Variants in SOX5 observed in about 807,000 individuals in gnomAD.
The protein encoded by SOX5 is SRY-box transcription factor 5, also known as transcription factor SOX-5.
SOX5 carries 9 observed loss-of-function variants against 92.0 expected under a neutral mutation model. The observed-to-expected ratio is 0.10, with a 90% CI of 0.06 to 0.17. SOX5 has a LOEUF of 0.17. Ranked by LOEUF, SOX5 falls within the 10% of genes least tolerant of loss-of-function variation. The pLI, the probability that SOX5 is intolerant of heterozygous loss-of-function variation, is 1.00. For missense variants in SOX5, 642 were observed against 944.5 expected, an observed-to-expected ratio of 0.68 and a Z score of 4.20; for synonymous variants, 344 against 336.3, an observed-to-expected ratio of 1.02 and a Z score of -0.25.
chr12:24,356,029 T>TA (rs150938174), intron 2 of SOX5, among the ~76,000 whole-genome samples: 12,637 of 151,904 alleles, frequency 0.083, 963 homozygotes, highest in African/African-American at 0.21. Flanking sequence ...TTCAAAAGGA[T>TA]AAAAAAGGGG....
chr12:23,918,217 C>T (rs933372988), intron 1 of SOX5, among the ~76,000 whole-genome samples: 2 of 152,064 alleles, frequency 1.3e-5, no homozygotes, highest in African/African-American at 4.8e-5. Context: ...TTTTCCTTAA[C>T]TCTGTTTTTC....
intron 4 of SOX5, among the ~76,000 whole-genome samples, chr12:24,186,071 G>A (rs981724475): frequency 4.6e-5 from 7 of 152,218 alleles, no homozygotes; most frequent in Non-Finnish European, 1.0e-4. Flanking sequence ...ATGACTGGGA[G>A]AGTCAGTCAA....
In SOX5 at chr12:24,352,756, A is replaced by G. The variant is rs191732761; in HGVS notation, c.-174+15807T>C. Among the ~76,000 whole-genome samples the G allele has an allele frequency of 1.1e-3, 170 of 152,204 alleles. 1 individual carries two copies. Among genetic ancestry groups the G allele is most frequent in the Middle Eastern group, 6.8e-3 (2 of 294 alleles). On this transcript the variant is annotated intron_variant, in intron 2 of 4. Transcript: ENST00000446891. ...AACATTTGCAGACCCAGGACAAGAG[A>G]ACAAATGGGTGCCTTCCCTCTCTGT... is the stretch of plus-strand genomic sequence containing the variant.
At chr12:24,409,703 ATT>A (rs1566095248) in intron 1 of SOX5, among the ~76,000 whole-genome samples, 1 of 152,088 alleles carries the variant, frequency 6.6e-6, no homozygotes, top group Non-Finnish European at 1.5e-5. Context: ...AGCATTTGAT[ATT>A]GTCACTATCT....
At chr12:24,190,994 ATTTCTT>A (rs1956468459) in intron 4 of SOX5, among the ~76,000 whole-genome samples, 1 of 152,146 alleles carries the variant, frequency 6.6e-6, no homozygotes, top group South Asian at 2.1e-4. Flanking sequence ...AATTACATGA[ATTTCTT>A]CTTCTTTTTT....
chr12:24,504,020 C>T (rs1371621884), intron 1 of SOX5, among the ~76,000 whole-genome samples: 2 of 151,958 alleles, frequency 1.3e-5, no homozygotes, highest in African/African-American at 4.8e-5. Context: ...GAAATTCGAA[C>T]TCTCTTCCAA....
chr12:24,471,047 T>C (rs1205268444), intron 1 of SOX5, among the ~76,000 whole-genome samples: 2 of 152,192 alleles, frequency 1.3e-5, no homozygotes, highest in Non-Finnish European at 2.9e-5. Flanking sequence ...TCAGTAAGTC[T>C]CATTGCTGCT....
chr12:24,521,693 C>T (rs767665513), intron 1 of SOX5, among the ~76,000 whole-genome samples: 17 of 151,980 alleles, frequency 1.1e-4, no homozygotes, highest in Non-Finnish European at 1.6e-4. Flanking sequence ...AAGTAAACAA[C>T]ACACTCTTGA....
chr12:24,053,237 T>C (rs10771056), intron 4 of SOX5, among the ~76,000 whole-genome samples: 94,693 of 148,842 alleles, frequency 0.64, 30,747 homozygotes, highest in Non-Finnish European at 0.71. Context: ...GCTGGATTCT[T>C]CTGCCTCAGC....
At chr12:24,475,838 C>T (rs1945304963) in intron 1 of SOX5, among the ~76,000 whole-genome samples, 2 of 151,996 alleles carry the variant, frequency 1.3e-5, no homozygotes, top group South Asian at 2.1e-4. Context: ...AAAAACTAGC[C>T]AGGCATGGTA....
chr12:24,435,000 C>T (rs989604867), intron 1 of SOX5, among the ~76,000 whole-genome samples: 3 of 152,200 alleles, frequency 2.0e-5, no homozygotes, highest in Admixed American at 6.5e-5. Context: ...TAAAAGAATG[C>T]CCTTTCCTTT....
chr12:23,580,421 AG>A lies in SOX5; in HGVS notation c.1165-4584del, dbSNP rs1949883303. On this transcript the variant is annotated intron_variant, in intron 9 of 14. Coordinates refer to ENST00000451604, the MANE Select transcript of SOX5 (RefSeq NM_006940.6). ...ACATTTGCTATTCTATACATTAAAAAGTTAAGGCGCAAATTCACTTATCTTG... is the reference window on the plus strand; with the variant it reads ...ACATTTGCTATTCTATACATTAAAAATTAAGGCGCAAATTCACTTATCTTG... Among the ~76,000 whole-genome samples the A allele has an allele frequency of 3.9e-5, 6 of 152,194 alleles. No individual in the cohort carries two copies. The South Asian group carries it at 1.2e-3, about 32-fold the overall frequency.
chr12:24,391,520 G>C (rs1026285728), intron 1 of SOX5, among the ~76,000 whole-genome samples: 1 of 152,088 alleles, frequency 6.6e-6, no homozygotes, highest in Non-Finnish European at 1.5e-5. Flanking sequence ...AACTACAGAC[G>C]TCTCTTTAGC....
intron 6 of SOX5, among the ~76,000 whole-genome samples, chr12:23,698,748 G>T (rs2090226322): frequency 6.6e-6 from 1 of 151,940 alleles, no homozygotes; most frequent in Admixed American, 6.6e-5. Flanking sequence ...CTATTTGGGG[G>T]GTTGTTCTGG....
At chr12:24,411,091 T>C (rs1963985936) in intron 1 of SOX5, among the ~76,000 whole-genome samples, 1 of 152,228 alleles carries the variant, frequency 6.6e-6, no homozygotes, top group Admixed American at 6.5e-5. Context: ...ATTTTGATGT[T>C]CAGCCATTCA....
At chr12:24,352,965 T>C (rs552660214) in intron 2 of SOX5, among the ~76,000 whole-genome samples, 49 of 152,166 alleles carry the variant, frequency 3.2e-4, no homozygotes, top group Non-Finnish European at 6.6e-4. Context: ...CTGGAGCATG[T>C]CTAGAATGGG....
At chr12:24,014,283 C>A (rs1216646815) in intron 4 of SOX5, among the ~76,000 whole-genome samples, 2 of 152,128 alleles carry the variant, frequency 1.3e-5, no homozygotes, top group African/African-American at 2.4e-5. Context: ...CACATATAAC[C>A]TTCCTGGATA....
In SOX5 at chr12:23,913,031, A is replaced by G. The variant is rs1257458122; in HGVS notation, c.39-17007T>C. On this transcript the variant is annotated intron_variant, in intron 1 of 14. Transcript: ENST00000451604. Reference sequence around the variant, plus strand: ...ATAAAGCAATATGTTTTAAAACTACAAAGCACACATTATCACGTCCATTCT... The same window carrying G: ...ATAAAGCAATATGTTTTAAAACTACGAAGCACACATTATCACGTCCATTCT... Among the ~76,000 whole-genome samples, 5 of 152,228 alleles carry G rather than the reference A, an allele frequency of 3.3e-5. No homozygotes were observed. The East Asian group carries it at 7.7e-4, about 23-fold the overall frequency.
intron 7 of SOX5, among the ~76,000 whole-genome samples, chr12:23,657,909 T>A (rs777431692): frequency 1.3e-5 from 2 of 152,188 alleles, no homozygotes; most frequent in African/African-American, 4.8e-5. Context: ...TTCTTAAATG[T>A]TAAAAAGTAA....
Sources: allele counts gnomAD v4.1 joint callset (sites outside exome capture counted in the v4.1 genomes callset), GRCh38; gene constraint gnomAD v4.1.1; transcripts MANE v1.5; gene names NCBI Gene and HGNC (gene_info 2026-07-23, HGNC 2026-07-21).